NXPH1: variants seen among roughly 807,000 people sequenced by gnomAD.
NXPH1 encodes neurexophilin-1.
A neutral mutation model predicts 23.7 loss-of-function variants in NXPH1; 5 were observed. The ratio of observed to expected loss-of-function variants is 0.21; its 90% confidence interval spans 0.11 to 0.44. The LOEUF (loss-of-function observed/expected upper bound fraction) is 0.44. Among genes scored for constraint, NXPH1 ranks in the 20% least tolerant of loss-of-function variants. The pLI is 0.99. For synonymous variants in NXPH1, 144 were observed against 122.2 expected, an observed-to-expected ratio of 1.18 and a Z score of -1.18; for missense variants, 324 against 321.6, an observed-to-expected ratio of 1.01 and a Z score of -0.06.
At chr7:8,574,479 T>C (rs1818714117) in intron 2 of NXPH1, among the ~76,000 whole-genome samples, 1 of 152,080 alleles carries the variant, frequency 6.6e-6, no homozygotes, top group Non-Finnish European at 1.5e-5. Context: ...CTCAGTCTAG[T>C]CAATAGGTTG....
rs186001362 is a variant in NXPH1, at chr7:8,506,707, A to G, written c.54+70940A>G. Reference sequence around the variant, plus strand: ...GGAGGTGATGTTTGAGATAAGAGCTAACAGATTAACTGGCATTAATTAGGC... The same window carrying G: ...GGAGGTGATGTTTGAGATAAGAGCTGACAGATTAACTGGCATTAATTAGGC... On this transcript the variant is annotated intron_variant, in intron 2 of 2. Coordinates refer to ENST00000405863, the MANE Select transcript of NXPH1 (RefSeq NM_152745.3). Among the ~76,000 whole-genome samples the G allele has an allele frequency of 3.3e-5, 5 of 152,180 alleles. No homozygotes were observed. The East Asian group carries it at 9.7e-4, about 30-fold the overall frequency.
chr7:8,731,900 C>A (rs889814163), intron 2 of NXPH1, among the ~76,000 whole-genome samples: 1 of 152,246 alleles, frequency 6.6e-6, no homozygotes. Context: ...CTTTGTTTAC[C>A]TAAGCAAGCC....
intron 2 of NXPH1, among the ~76,000 whole-genome samples, chr7:8,480,076 T>A (rs895842763): frequency 2.0e-5 from 3 of 152,072 alleles, no homozygotes; most frequent in African/African-American, 7.2e-5. Context: ...TAGTGGTTAC[T>A]TTTGGGAGGA....
chr7:8,438,908 A>G (rs916644954), intron 2 of NXPH1, among the ~76,000 whole-genome samples: 1 of 152,202 alleles, frequency 6.6e-6, no homozygotes, highest in African/African-American at 2.4e-5. Flanking sequence ...AACTAATTAG[A>G]TATGTGCCCA....
At chr7:8,728,056 C>G (rs1004764740) in intron 2 of NXPH1, among the ~76,000 whole-genome samples, 26 of 150,316 alleles carry the variant, frequency 1.7e-4, no homozygotes, top group Admixed American at 4.6e-4. Flanking sequence ...TCCTTCACAT[C>G]CCTTGTAAGT....
chr7:8,486,067 A>G (rs1211277334), intron 2 of NXPH1, among the ~76,000 whole-genome samples: 2 of 152,176 alleles, frequency 1.3e-5, no homozygotes, highest in Non-Finnish European at 2.9e-5. Context: ...ATGGGATTTG[A>G]GGTACCCCAT....
At chr7:8,749,549 C>G (rs17154762) in intron 2 of NXPH1, among the ~76,000 whole-genome samples, 1,822 of 152,266 alleles carry the variant, frequency 0.012, 35 homozygotes, top group African/African-American at 0.042. Flanking sequence ...GCTATAATTC[C>G]TAATGGGCCT....
intron 2 of NXPH1, among the ~76,000 whole-genome samples, chr7:8,587,498 A>T (rs898833050): frequency 2.0e-5 from 3 of 151,942 alleles, no homozygotes; most frequent in Admixed American, 6.6e-5. Flanking sequence ...ATCTTTTTAA[A>T]ATTATACTTT....
At chr7:8,709,626 T>G (rs1360414290) in intron 2 of NXPH1, among the ~76,000 whole-genome samples, 1 of 152,196 alleles carries the variant, frequency 6.6e-6, no homozygotes. Flanking sequence ...ATAAAGAATT[T>G]AAACAAGGGT....
At chr7:8,708,779 T>C (rs186347420) in intron 2 of NXPH1, among the ~76,000 whole-genome samples, 153 of 152,344 alleles carry the variant, frequency 1.0e-3, no homozygotes, top group African/African-American at 3.6e-3. Flanking sequence ...AATTATGAAA[T>C]TCACTTTTGA....
chr7:8,738,821 C>T (rs1780309011), intron 2 of NXPH1, among the ~76,000 whole-genome samples: 1 of 152,106 alleles, frequency 6.6e-6, no homozygotes, highest in Non-Finnish European at 1.5e-5. Context: ...GATGCCCTGA[C>T]CAGGGAGAAG....
intron 2 of NXPH1, among the ~76,000 whole-genome samples, chr7:8,563,232 T>A (rs566308965): frequency 6.6e-6 from 1 of 151,888 alleles, no homozygotes; most frequent in Non-Finnish European, 1.5e-5. Flanking sequence ...TGATTTCTAG[T>A]GTACAGCACT....
intron 2 of NXPH1, among the ~76,000 whole-genome samples, chr7:8,552,964 A>G (rs1424644052): frequency 2.0e-5 from 3 of 151,586 alleles, no homozygotes; most frequent in African/African-American, 7.3e-5. Flanking sequence ...ATCGTTTAGG[A>G]AGTCAGACAG....
intron 2 of NXPH1, among the ~76,000 whole-genome samples, chr7:8,713,224 A>C (rs1779824047): frequency 6.6e-6 from 1 of 152,150 alleles, no homozygotes; most frequent in Non-Finnish European, 1.5e-5. Context: ...CAATTCTGCT[A>C]TTAAGAGACT....
rs569095023 is a variant in NXPH1, at chr7:8,476,403, C to T, written c.54+40636C>T. ...TCTTCATGTCCCCAGCACACACATG[C>T]CTTTTGAGTCTCTCCTATAGAATCC... On this transcript the variant is annotated intron_variant, in intron 2 of 2. Coordinates refer to ENST00000405863, the MANE Select transcript of NXPH1 (RefSeq NM_152745.3). Among the ~76,000 whole-genome samples, 153 of 152,166 alleles carry T rather than the reference C, an allele frequency of 1.0e-3. 4 individuals carry two copies. In the South Asian group the frequency reaches 0.03, roughly 30 times the overall value.
chr7:8,571,149 A>G (rs1200655473), intron 2 of NXPH1, among the ~76,000 whole-genome samples: 1 of 151,860 alleles, frequency 6.6e-6, no homozygotes, highest in East Asian at 1.9e-4. Context: ...AGAATCTTTA[A>G]CAAGATCTCC....
intron 2 of NXPH1, among the ~76,000 whole-genome samples, chr7:8,535,008 A>G (rs1310818518): frequency 1.3e-5 from 2 of 151,984 alleles, no homozygotes; most frequent in Non-Finnish European, 2.9e-5. Context: ...CTTTGTTTAC[A>G]TATCATTTAA....
intron 2 of NXPH1, among the ~76,000 whole-genome samples, chr7:8,716,780 A>ACCATTTTG (rs1779885262): frequency 6.6e-6 from 1 of 152,208 alleles, no homozygotes; most frequent in South Asian, 2.1e-4. Flanking sequence ...AAAATATTTA[A>ACCATTTTG]AAACTTATGT....
intron 2 of NXPH1, among the ~76,000 whole-genome samples, chr7:8,640,813 C>T (rs10238024): frequency 2.6e-5 from 4 of 151,698 alleles, no homozygotes; most frequent in African/African-American, 9.7e-5. Flanking sequence ...AAATATTAGC[C>T]AGGGTGGTGG....
Sources: allele counts gnomAD v4.1 joint callset (sites outside exome capture counted in the v4.1 genomes callset), GRCh38; gene constraint gnomAD v4.1.1; transcripts MANE v1.5; gene names NCBI Gene and HGNC (gene_info 2026-07-23, HGNC 2026-07-21).